TRPC7: variants seen among roughly 807,000 people sequenced by gnomAD.
TRPC7 encodes short transient receptor potential channel 7.
In TRPC7, 42 loss-of-function variants were observed where a neutral mutation model predicts 90.1. The observed-to-expected ratio is 0.47, with a 90% confidence interval of 0.36 to 0.60. The LOEUF is 0.60. Among genes scored for constraint, TRPC7 ranks in the 20% least tolerant of loss-of-function variants. The pLI is 0.00. For missense variants in TRPC7, 955 were observed against 1,112.3 expected, an observed-to-expected ratio of 0.86 and a Z score of 2.01; for synonymous variants, 451 against 436.3, an observed-to-expected ratio of 1.03 and a Z score of -0.42.
chr5:136,231,343 C>G lies in TRPC7; in HGVS notation c.2040+11G>C, dbSNP rs1755806873. ...GAAGGAGAGCAAGCATTTTCAGTGA[C>G]CTGGCCTTACCTCAATTTCCTGATA... On this transcript the variant is annotated intron_variant, in intron 8 of 11. Coordinates refer to ENST00000513104, the MANE Select transcript of TRPC7 (RefSeq NM_020389.3). 1 of 1,581,116 alleles carries G rather than the reference C, an allele frequency of 6.3e-7. No individual in the cohort carries two copies. The highest frequency in any genetic ancestry group is 1.7e-5 in the Admixed American group (1 of 58,188).
At chr5:136,220,107 C>T (rs996858110) in intron 10 of TRPC7, among the ~76,000 whole-genome samples, 7 of 152,270 alleles carry the variant, frequency 4.6e-5, no homozygotes, top group Admixed American at 1.3e-4. Context: ...TGAGGATGTA[C>T]GTCACTTCAG....
At chr5:136,236,943 T>C (rs1755999493) in intron 7 of TRPC7, among the ~76,000 whole-genome samples, 1 of 152,202 alleles carries the variant, frequency 6.6e-6, no homozygotes, top group African/African-American at 2.4e-5. Flanking sequence ...AAAAGGCTGT[T>C]TCCCAAGCTC....
chr5:136,225,435 T>C, intron 9 of TRPC7, 81 bp from the exon 10 acceptor site: 2 of 1,384,084 alleles, frequency 1.4e-6, no homozygotes, highest in East Asian at 4.9e-5. Flanking sequence ...ACTTGAACAG[T>C]ATCCATATAC....
intron 1 of TRPC7, among the ~76,000 whole-genome samples, chr5:136,364,105 A>G (rs1760651375): frequency 6.6e-6 from 1 of 152,224 alleles, no homozygotes; most frequent in African/African-American, 2.4e-5. Flanking sequence ...TAACATGCTT[A>G]ATATTTATAT....
chr5:136,349,094 A>G (rs1187998606), intron 2 of TRPC7, among the ~76,000 whole-genome samples: 1 of 151,524 alleles, frequency 6.6e-6, no homozygotes, highest in Non-Finnish European at 1.5e-5. Flanking sequence ...TCAAAAAATA[A>G]TCTCTGTATT....
At chr5:136,241,636 A>C (rs1236379289) in intron 7 of TRPC7, among the ~76,000 whole-genome samples, 1 of 151,256 alleles carries the variant, frequency 6.6e-6, no homozygotes. Context: ...GCTTACTGCA[A>C]CCTCCGCCTC....
intron 10 of TRPC7, 86 bp downstream of exon 10, chr5:136,225,188 G>T (rs141611994): frequency 8.5e-7 from 1 of 1,177,316 alleles, no homozygotes. Flanking sequence ...GTGTTCTCGG[G>T]GGATGACACA....
chr5:136,364,292 T>A (rs1760658406), intron 1 of TRPC7, among the ~76,000 whole-genome samples: 1 of 152,204 alleles, frequency 6.6e-6, no homozygotes, highest in Admixed American at 6.5e-5. Context: ...TAGGAGCAAG[T>A]GTTTTTGGAA....
chr5:136,259,074 C>T (rs553407707), intron 5 of TRPC7, among the ~76,000 whole-genome samples: 39 of 152,216 alleles, frequency 2.6e-4, no homozygotes, highest in Non-Finnish European at 5.1e-4. Flanking sequence ...CCTCTTCATC[C>T]TCCTCTTCTT....
At position 136,357,339 on chromosome 5, in the gene TRPC7, G is replaced by C. The variant is rs537750427; in HGVS notation, c.49C>G (p.Leu17Val). The stretch of plus-strand genomic sequence containing the variant: ...GCCTGGCGACGGCCCTTCTCCCTCA[G>C]CGTTGTGTGCCGGCGCTGCATGTTT... ...FKNMQRRHTT[L>V]REKGRRQAIR... The change falls in exon 2 of 12, where the codon CTG becomes GTG. Residue 17 changes from leucine (L) to valine (V), a missense_variant. Physicochemically the swap from Leu to Val is conservative, Grantham distance 32 (BLOSUM62 1). Transcript: ENST00000513104. The C allele has an allele frequency of 3.5e-5, 56 of 1,604,660 alleles. 1 individual carries two copies. In the East Asian group the frequency reaches 1.2e-3, roughly 36 times the overall value.
At chr5:136,277,491 G>A (rs1435691030) in intron 3 of TRPC7, among the ~76,000 whole-genome samples, 2 of 152,052 alleles carry the variant, frequency 1.3e-5, no homozygotes. Flanking sequence ...AGTTCAATGT[G>A]TATCAAAAGA....
At chr5:136,350,357 C>A (rs904416033) in intron 2 of TRPC7, among the ~76,000 whole-genome samples, 5 of 152,124 alleles carry the variant, frequency 3.3e-5, no homozygotes, top group African/African-American at 1.2e-4. Flanking sequence ...CAGGGCCTGC[C>A]CCTCTGCACT....
At chr5:136,312,208 T>G (rs1758853160) in intron 3 of TRPC7, among the ~76,000 whole-genome samples, 1 of 152,200 alleles carries the variant, frequency 6.6e-6, no homozygotes, top group African/African-American at 2.4e-5. Flanking sequence ...GAGCGCCCTC[T>G]TAAGGCAGAA....
intron 5 of TRPC7, among the ~76,000 whole-genome samples, chr5:136,254,584 A>G (rs867509307): frequency 2.0e-5 from 3 of 152,214 alleles, no homozygotes; most frequent in African/African-American, 4.8e-5. Context: ...TTCTTTCACA[A>G]TATTACTGCT....
intron 8 of TRPC7, 33 bp downstream of exon 8, chr5:136,231,321 G>GGAGA (rs747718016): frequency 1.3e-6 from 2 of 1,541,978 alleles, no homozygotes; most frequent in Admixed American, 1.9e-5. Context: ...ATTAGATGAA[G>GGAGA]GAGAGCAAGC....
chr5:136,285,778 A>G (rs1337930566), intron 3 of TRPC7, among the ~76,000 whole-genome samples: 1 of 152,152 alleles, frequency 6.6e-6, no homozygotes, highest in African/African-American at 2.4e-5. Flanking sequence ...GCTTAGAAAA[A>G]ACAATTCACA....
At chr5:136,362,913 C>T (rs1007829233) in intron 1 of TRPC7, among the ~76,000 whole-genome samples, 1 of 152,138 alleles carries the variant, frequency 6.6e-6, no homozygotes, top group African/African-American at 2.4e-5. Context: ...GGTCAATCAA[C>T]TTAATTCATT....
chr5:136,225,388 C>T (rs746957989), intron 9 of TRPC7, 34 bp from the exon 10 acceptor site: 2 of 1,596,676 alleles, frequency 1.3e-6, no homozygotes, highest in Non-Finnish European at 1.7e-6. Context: ...ACACATCACA[C>T]AGAAAAACAT....
chr5:136,283,842 A>G (rs1039011780), intron 3 of TRPC7, among the ~76,000 whole-genome samples: 5 of 152,106 alleles, frequency 3.3e-5, no homozygotes, highest in Non-Finnish European at 1.5e-5. Flanking sequence ...TTTTCATGTG[A>G]TTCTGGGCCT....
Sources: allele counts gnomAD v4.1 joint callset (sites outside exome capture counted in the v4.1 genomes callset), GRCh38; gene constraint gnomAD v4.1.1; transcripts MANE v1.5; gene names NCBI Gene and HGNC (gene_info 2026-07-23, HGNC 2026-07-21).